LAMA1: variants seen among roughly 807,000 people sequenced by gnomAD.
LAMA1 encodes the protein laminin subunit alpha 1, also known as laminin subunit alpha-1.
A neutral mutation model predicts 348.7 loss-of-function variants in LAMA1; 219 were observed. The ratio of observed to expected loss-of-function variants is 0.63; its 90% CI spans 0.56 to 0.70. The LOEUF (loss-of-function observed/expected upper bound fraction) is 0.70. Ranked by LOEUF, LAMA1 falls within the 30% of genes least tolerant of loss-of-function variation. LAMA1 has a pLI of 0.00. For missense variants in LAMA1, 3,744 were observed against 3,888.0 expected, an observed-to-expected ratio of 0.96 and a Z score of 0.99; for synonymous variants, 1,487 against 1,491.0, an observed-to-expected ratio of 1.00 and a Z score of 0.06.
rs373628751 is a variant in LAMA1 at position 6,948,572 on chromosome 18, T to C, written c.8557-16A>G. ...TGTGGGTGATCTAAGCCAAATGACATGCAAGAGTAGACAGTGGTGATTCTA... is the reference window on the plus strand; with the variant it reads ...TGTGGGTGATCTAAGCCAAATGACACGCAAGAGTAGACAGTGGTGATTCTA... On this transcript the variant is annotated splice_polypyrimidine_tract_variant and intron_variant, in intron 59 of 62. Coordinates refer to ENST00000389658, the MANE Select transcript of LAMA1 (RefSeq NM_005559.4). The C allele has an allele frequency of 4.3e-6, 7 of 1,614,160 alleles. No individual in the cohort carries two copies. Among genetic ancestry groups the C allele is most frequent in the South Asian group, 1.1e-5 (1 of 91,070 alleles).
chr18:7,093,385 C>T (rs2058247806), intron 1 of LAMA1, among the ~76,000 whole-genome samples: 2 of 152,058 alleles, frequency 1.3e-5, no homozygotes, highest in Admixed American at 1.3e-4. Flanking sequence ...CACTGCACTC[C>T]AGCCTGGGCG....
At chr18:6,990,511 G>C (rs1415935850) in intron 36 of LAMA1, among the ~76,000 whole-genome samples, 1 of 152,186 alleles carries the variant, frequency 6.6e-6, no homozygotes, top group South Asian at 2.1e-4. Flanking sequence ...GCAGGTCCTG[G>C]GAAGCCCTGG....
intron 1 of LAMA1, among the ~76,000 whole-genome samples, chr18:7,110,881 TTTTCCC>T (rs1438105413): frequency 1.4e-5 from 1 of 69,420 alleles, no homozygotes; most frequent in African/African-American, 8.1e-5. Context: ...TGAGGGTTTT[TTTTCCC>T]TCCCCCCCCC....
At chr18:6,999,388 T>C in intron 32 of LAMA1, 57 bp downstream of exon 32, 3 of 1,578,264 alleles carry the variant, frequency 1.9e-6, no homozygotes, top group South Asian at 2.2e-5. Context: ...ACCACTTCTT[T>C]CCCGACACAT....
chr18:7,116,921 A>G (rs2058359020), intron 1 of LAMA1, among the ~76,000 whole-genome samples: 1 of 152,098 alleles, frequency 6.6e-6, no homozygotes, highest in Non-Finnish European at 1.5e-5. Context: ...TGCAACGCGC[A>G]TGCAAGGTGC....
At chr18:7,001,507 G>A (rs1028462737) in intron 30 of LAMA1, among the ~76,000 whole-genome samples, 2 of 152,106 alleles carry the variant, frequency 1.3e-5, no homozygotes, top group Non-Finnish European at 2.9e-5. Flanking sequence ...CAAGGGAAGT[G>A]TACATAGTGC....
chr18:7,045,224 A>C (rs2144191122), intron 6 of LAMA1, among the ~76,000 whole-genome samples: 1 of 152,324 alleles, frequency 6.6e-6, no homozygotes. Context: ...TTAGAAGAAA[A>C]TAAGAAGTAA....
intron 19 of LAMA1, among the ~76,000 whole-genome samples, chr18:7,018,646 C>T (rs932722735): frequency 2.6e-5 from 4 of 152,108 alleles, no homozygotes; most frequent in African/African-American, 4.8e-5. Context: ...CTGCCCGCCT[C>T]GGCCTTCCAA....
chr18:6,971,969 C>G lies in LAMA1; in HGVS notation c.6787G>C (p.Val2263Leu), dbSNP rs774337520. The G allele has an allele frequency of 9.9e-6, 16 of 1,613,948 alleles. No individual in the cohort carries two copies. Among genetic ancestry groups the G allele is most frequent in the Admixed American group, 8.3e-5 (5 of 60,004 alleles). ...CAGCCTTTAAAATGAGTAACCTTCA[C>G]AGCAGGAGATTTCTAATGCAAACAA... The part of the protein sequence containing the change: ...LGGQIKKSPA[V>L]KVTHFKGCLG... Residue 2263 changes from valine to leucine, a missense_variant, in exon 48 of 63, where the codon GTG (valine) becomes CTG (leucine). Val to Leu is a conservative substitution (Grantham distance 32). Coordinates refer to ENST00000389658, the MANE Select transcript of LAMA1 (RefSeq NM_005559.4).
intron 3 of LAMA1, among the ~76,000 whole-genome samples, chr18:7,074,413 C>A (rs1370722713): frequency 2.0e-5 from 3 of 152,132 alleles, no homozygotes; most frequent in Non-Finnish European, 2.9e-5. Flanking sequence ...AGAAATGCTA[C>A]CATAGGGAAT....
intron 33 of LAMA1, among the ~76,000 whole-genome samples, 169 bp from the exon 34 acceptor site, chr18:6,995,615 G>T (rs547179555): frequency 6.6e-6 from 1 of 152,014 alleles, no homozygotes; most frequent in East Asian, 1.9e-4. Flanking sequence ...CGATTATAGC[G>T]ACATGATTCT....
At chr18:7,088,420 A>G (rs2058226187) in intron 1 of LAMA1, among the ~76,000 whole-genome samples, 1 of 152,218 alleles carries the variant, frequency 6.6e-6, no homozygotes, top group South Asian at 2.1e-4. Flanking sequence ...GGTTATGTAA[A>G]AAATGAGAGG....
intron 1 of LAMA1, among the ~76,000 whole-genome samples, chr18:7,106,690 C>A (rs1379544193): frequency 6.6e-6 from 1 of 151,804 alleles, no homozygotes; most frequent in African/African-American, 2.4e-5. Flanking sequence ...AATGATATGA[C>A]CCCCACCCCA....
chr18:7,068,803 A>G (rs1264604271), intron 3 of LAMA1, among the ~76,000 whole-genome samples: 1 of 152,174 alleles, frequency 6.6e-6, no homozygotes, highest in Non-Finnish European at 1.5e-5. Flanking sequence ...AAAAGAAAAA[A>G]AAAAAGCTAG....
intron 1 of LAMA1, among the ~76,000 whole-genome samples, chr18:7,089,819 T>G (rs998022072): frequency 6.6e-6 from 1 of 152,294 alleles, no homozygotes; most frequent in African/African-American, 2.4e-5. Flanking sequence ...GGGGGAAGGA[T>G]TAAACTGAAA....
intron 23 of LAMA1, among the ~76,000 whole-genome samples, chr18:7,012,464 G>A (rs1289627010): frequency 6.7e-6 from 1 of 148,688 alleles, no homozygotes; most frequent in East Asian, 2.0e-4. Flanking sequence ...GAGAGCCACC[G>A]GCCAGGTGAT....
chr18:6,983,423 G>C (rs187922578), intron 39 of LAMA1, among the ~76,000 whole-genome samples, 189 bp from the exon 40 acceptor site: 1 of 152,110 alleles, frequency 6.6e-6, no homozygotes, highest in African/African-American at 2.4e-5. Context: ...TTGAGAAGCC[G>C]TAGCCACTTT....
At chr18:6,986,779 A>T (rs1249375996) in intron 36 of LAMA1, among the ~76,000 whole-genome samples, 2 of 152,090 alleles carry the variant, frequency 1.3e-5, no homozygotes, top group African/African-American at 4.8e-5. Flanking sequence ...TTATTTTTTG[A>T]GAGAAGACTT....
chr18:7,003,509 C>A (rs1208604801), intron 29 of LAMA1, among the ~76,000 whole-genome samples: 1 of 152,162 alleles, frequency 6.6e-6, no homozygotes, highest in African/African-American at 2.4e-5. Context: ...CTGCCCGCCT[C>A]GGCCTCCCAA....
Sources: gnomAD v4.1 joint callset for allele counts (sites outside exome capture counted in the v4.1 genomes callset) on GRCh38, gnomAD v4.1.1 for gene constraint, MANE v1.5 for transcripts, NCBI Gene and HGNC (gene_info 2026-07-23, HGNC 2026-07-21) for gene names.